AACS: variants seen among roughly 807,000 people sequenced by gnomAD.
AACS encodes acetoacetate-CoA ligase.
A neutral mutation model predicts 83.1 loss-of-function variants in AACS; 69 were observed. The ratio of observed to expected loss-of-function variants is 0.83; its 90% CI spans 0.68 to 1.01. The LOEUF is 1.01. Ranked by LOEUF, AACS falls within the 50% of genes least tolerant of loss-of-function variation. The pLI, the probability that AACS is intolerant of heterozygous loss-of-function variation, is 0.00. For missense variants in AACS, 866 were observed against 882.2 expected, an observed-to-expected ratio of 0.98 and a Z score of 0.23; for synonymous variants, 333 against 343.4, an observed-to-expected ratio of 0.97 and a Z score of 0.33.
intron 1 of AACS, among the ~76,000 whole-genome samples, chr12:125,068,348 A>G (rs1388395905): frequency 6.6e-6 from 1 of 152,042 alleles, no homozygotes; most frequent in Non-Finnish European, 1.5e-5. Flanking sequence ...AGTCCCAGCT[A>G]CTCTGGAGAC....
At chr12:125,066,758 A>T (rs1381159332) in intron 1 of AACS, among the ~76,000 whole-genome samples, 2 of 151,592 alleles carry the variant, frequency 1.3e-5, no homozygotes, top group Non-Finnish European at 2.9e-5. Context: ...CTCCTAGGGG[A>T]TTTTTAACTC....
chr12:125,089,927 A>G (rs556117432), intron 4 of AACS, among the ~76,000 whole-genome samples: 24 of 151,694 alleles, frequency 1.6e-4, no homozygotes, highest in African/African-American at 5.8e-4. Context: ...CCATCCATTT[A>G]TCTATCCTCC....
chr12:125,082,760 G>A (rs1956225579), intron 3 of AACS, among the ~76,000 whole-genome samples: 1 of 152,224 alleles, frequency 6.6e-6, no homozygotes, highest in African/African-American at 2.4e-5. Context: ...GGCGGAGGTT[G>A]CAGTGAGCTG....
At chr12:125,105,163 AC>A (rs1956806210) in intron 7 of AACS, 1 of 152,206 alleles carries the variant, frequency 6.6e-6, no homozygotes, top group Non-Finnish European at 1.5e-5. Context: ...ATTGGAGGTT[AC>A]ATTTCAACAC....
Position 125,076,491 on chromosome 12 carries a change from G to C in AACS, c.238G>C (p.Val80Leu). Residue 80 changes from valine to leucine, a missense_variant and splice_region_variant, in exon 3 of 18, where the codon GTT becomes CTT. Coordinates refer to ENST00000316519, the MANE Select transcript of AACS (RefSeq NM_023928.5). Reference sequence around the variant, plus strand: ...CTTGGTTTGTTGTCATTCTCTATAGGTTGTGGACACATCGAAAGGAATCGC... The same window carrying C: ...CTTGGTTTGTTGTCATTCTCTATAGCTTGTGGACACATCGAAAGGAATCGC... ...GIVFSRVYDE[V>L]VDTSKGIADV... 6 of 1,614,062 alleles carry C rather than the reference G, an allele frequency of 3.7e-6. No homozygotes were observed. The highest frequency in any genetic ancestry group is 5.1e-6 in the Non-Finnish European group (6 of 1,179,948).
intron 1 of AACS, among the ~76,000 whole-genome samples, chr12:125,069,476 T>G (rs1201802355): frequency 6.6e-6 from 1 of 152,252 alleles, no homozygotes; most frequent in Non-Finnish European, 1.5e-5. Flanking sequence ...TTGGTTCTTG[T>G]CACTGCTTCC....
chr12:125,105,823 C>T (rs953559964), intron 7 of AACS: 2 of 152,128 alleles, frequency 1.3e-5, no homozygotes, highest in Non-Finnish European at 2.9e-5. Flanking sequence ...GATTTATGGG[C>T]CATTTGACAG....
At chr12:125,073,184 T>G (rs1955923817) in intron 1 of AACS, among the ~76,000 whole-genome samples, 1 of 152,168 alleles carries the variant, frequency 6.6e-6, no homozygotes, top group Admixed American at 6.5e-5. Context: ...TGCCTCGGCC[T>G]CCCAAAGCAC....
intron 4 of AACS, among the ~76,000 whole-genome samples, chr12:125,086,906 G>T (rs957348343): frequency 5.3e-5 from 8 of 152,056 alleles, no homozygotes; most frequent in African/African-American, 1.9e-4. Context: ...CTGCAGTGAG[G>T]CAGGGCAGGA....
intron 1 of AACS, 25 bp downstream of exon 1, chr12:125,065,742 C>A: frequency 6.6e-7 from 1 of 1,511,270 alleles, no homozygotes; most frequent in South Asian, 1.3e-5. Context: ...CGCGGCCGGG[C>A]CTGCGGGGGA....
intron 9 of AACS, among the ~76,000 whole-genome samples, chr12:125,114,937 C>T (rs531874499): frequency 8.5e-5 from 13 of 152,238 alleles, no homozygotes; most frequent in Non-Finnish European, 1.8e-4. Context: ...AGGGCTTCCC[C>T]GGGCGCCGGC....
intron 3 of AACS, among the ~76,000 whole-genome samples, chr12:125,077,068 T>C (rs1032244320): frequency 2.9e-5 from 4 of 140,304 alleles, no homozygotes; most frequent in African/African-American, 1.0e-4. Flanking sequence ...CCACTATGCA[T>C]GGCTGATTTT....
intron 1 of AACS, among the ~76,000 whole-genome samples, chr12:125,069,955 CAGA>C (rs1227175786): frequency 6.6e-6 from 1 of 152,192 alleles, no homozygotes; most frequent in African/African-American, 2.4e-5. Context: ...GCTGTAACTT[CAGA>C]AGAATGTGTG....
intron 1 of AACS, among the ~76,000 whole-genome samples, chr12:125,066,446 G>A (rs1050453660): frequency 8.1e-6 from 1 of 122,792 alleles, no homozygotes; most frequent in African/African-American, 2.8e-5. Flanking sequence ...GGTATTCCTA[G>A]GGGATTTTTT....
At chr12:125,114,680 C>T in intron 9 of AACS, 123 bp downstream of exon 9, 1 of 628,170 alleles carries the variant, frequency 1.6e-6, no homozygotes, top group Non-Finnish European at 2.5e-6. Flanking sequence ...TAAGGGCTTC[C>T]CCAGGTGCTG....
intron 15 of AACS, 105 bp from the exon 16 acceptor site, chr12:125,134,689 G>A: frequency 1.6e-6 from 2 of 1,270,700 alleles, no homozygotes. Context: ...ACTAGTCCTG[G>A]GGGATGCCAT....
chr12:125,109,227 G>A (rs1337702139), intron 8 of AACS, among the ~76,000 whole-genome samples: 4 of 152,092 alleles, frequency 2.6e-5, no homozygotes, highest in Admixed American at 2.0e-4. Context: ...TACCTCCTGG[G>A]CCCAAGCGAT....
chr12:125,093,212 C>T (rs566740035), intron 5 of AACS, among the ~76,000 whole-genome samples: 5 of 152,332 alleles, frequency 3.3e-5, no homozygotes, highest in East Asian at 3.9e-4. Context: ...CTGGGAGAGC[C>T]GTGTGTGGCA....
rs73231682 is a variant in AACS, at chr12:125,140,125, G to A, written c.1882-1967G>A. 0.042 allele frequency: 6,466 copies of A among 152,314 alleles called. 197 individuals carry two copies. Among genetic ancestry groups the A allele is most frequent in the Non-Finnish European group, 0.065 (4,422 of 68,042 alleles). The allele number at this position is 152,314 out of a possible 1,614,324, so 9.4% of individuals were successfully genotyped here. ...GACTCCTGGCATTTGAGGGCTTCCC[G>A]ACTGCAGCCCTCAGGCAGCCATGGC... On this transcript the variant is annotated intron_variant, in intron 17 of 17. Transcript: ENST00000316519. The surrounding 1 kb of genome is among the most constrained non-coding windows in gnomAD (Gnocchi z 5.1).
Sources: allele counts gnomAD v4.1 joint callset (sites outside exome capture counted in the v4.1 genomes callset), GRCh38; gene constraint gnomAD v4.1.1; non-coding constraint Gnocchi (gnomAD v3.1); transcripts MANE v1.5; gene names NCBI Gene and HGNC (gene_info 2026-07-23, HGNC 2026-07-21).